SNCG: variants seen among roughly 807,000 people sequenced by gnomAD.
SNCG encodes synuclein gamma, also known as gamma-synuclein.
In SNCG, 13 loss-of-function variants were observed where a neutral mutation model predicts 16.0. That is an observed-to-expected ratio of 0.81 (90% CI 0.53 to 1.29). The LOEUF is 1.29. Among genes scored for constraint, SNCG ranks in the 50% most tolerant of loss-of-function variants. SNCG has a pLI of 0.00. For missense variants in SNCG, 154 were observed against 168.5 expected (o/e 0.91, Z 0.48); for synonymous variants, 66 against 66.3 (o/e 1.00, Z 0.02).
chr10:86,958,551 G>A, upstream of SNCG: 3 of 1,206,398 alleles, frequency 2.5e-6, no homozygotes, highest in Non-Finnish European at 3.2e-6. Flanking sequence ...CTGGGCTCCA[G>A]CTGGCCTCCG....
chr10:86,962,704 TGG>T, intron 4 of SNCG, 29 bp downstream of exon 4: 1 of 1,566,436 alleles, frequency 6.4e-7, no homozygotes. Flanking sequence ...GGGTGCACCA[TGG>T]GGGGTTCCTT....
intron 3 of SNCG, among the ~76,000 whole-genome samples, 192 bp from the exon 4 acceptor site, chr10:86,962,412 C>T (rs1451905896): frequency 6.6e-6 from 1 of 152,082 alleles, no homozygotes; most frequent in Non-Finnish European, 1.5e-5. Context: ...CCTGGAAGGC[C>T]TCGGCATCAT....
In SNCG at chr10:86,958,670, T is replaced by C; in HGVS notation, c.-28T>C. On this transcript the variant is annotated 5_prime_UTR_variant, in exon 1 of 5. Coordinates refer to ENST00000372017, the MANE Select transcript of SNCG (RefSeq NM_003087.3). ...CAGGGAGATCCAGCTCCGTCCTGCC[T>C]GCAGCAGCACAACCCTGCACACCCA... 4 of 1,613,440 alleles carry C rather than the reference T, an allele frequency of 2.5e-6. No homozygotes were observed. The highest frequency in any genetic ancestry group is 1.7e-5 in the Admixed American group (1 of 59,980).
Position 86,959,832 on chromosome 10 carries a change from G to A in SNCG, c.163+158G>A, listed in dbSNP as rs1235324185. On this transcript the variant is annotated intron_variant, in intron 2 of 4. Coordinates refer to ENST00000372017, the MANE Select transcript of SNCG (RefSeq NM_003087.3). The surrounding 1 kb of genome is among the most constrained non-coding windows in gnomAD (Gnocchi z 4.3). ...ACCATGAGGCTAAACTAGGGTGGGC[G>A]TCTCCTTACCCCCACCAGCATCAGA... 1.7e-5 allele frequency: 22 copies of A among 1,288,180 alleles called. No individual in the cohort carries two copies. The highest frequency in any genetic ancestry group is 5.0e-5 in the Admixed American group (2 of 40,062). The allele number at this position is 1,288,180 out of a possible 1,614,324, so 79.8% of individuals were successfully genotyped here. A position where few individuals can be genotyped will look rare whatever the true frequency, so the allele number is the denominator to read the frequency against.
upstream of SNCG, chr10:86,958,499 C>CCAACCAAACCA: frequency 9.0e-7 from 1 of 1,111,546 alleles, no homozygotes; most frequent in Non-Finnish European, 1.1e-6. Flanking sequence ...AACCTCCTTC[C>CCAACCAAACCA]CTCCCTCCCT....
upstream of SNCG, chr10:86,957,556 A>G: frequency 1.9e-6 from 3 of 1,600,508 alleles, no homozygotes; most frequent in Non-Finnish European, 2.6e-6. Flanking sequence ...GTGGTGGGGC[A>G]GGCTCAGCTC....
intron 3 of SNCG, among the ~76,000 whole-genome samples, chr10:86,961,250 G>A (rs901237485): frequency 2.0e-5 from 3 of 152,092 alleles, no homozygotes; most frequent in African/African-American, 4.8e-5. Context: ...GCTGGCAGCC[G>A]CTCCCTCTCC....
intron 4 of SNCG, 116 bp from the exon 5 acceptor site, chr10:86,962,849 C>T (rs1589314894): frequency 1.6e-6 from 2 of 1,272,404 alleles, no homozygotes; most frequent in Non-Finnish European, 2.2e-6. Context: ...TGGGAGGTCC[C>T]CCCACGGATG....
At chr10:86,957,017 G>A (rs1844245353), upstream of SNCG, among the ~76,000 whole-genome samples, 1 of 152,232 alleles carries the variant, frequency 6.6e-6, no homozygotes, top group South Asian at 2.1e-4. Context: ...CTGGGTCTCA[G>A]CTTTCAGAAT....
In SNCG at chr10:86,958,608, T is replaced by C. The variant is rs1589311059; in HGVS notation, c.-90T>C. On this transcript the variant is annotated 5_prime_UTR_variant, in exon 1 of 5. Transcript: ENST00000372017. ...AATAGGAGGCATCGGGGACAGCCGC[T>C]GCGGCAGCACTCGAGCCAGCTCAAG... 1.3e-6 allele frequency: 2 copies of C among 1,507,442 alleles called. No homozygotes were observed. The highest frequency in any genetic ancestry group is 1.8e-6 in the Non-Finnish European group (2 of 1,117,256). 93.4% of individuals were successfully genotyped at this position (1,507,442 alleles called of 1,614,324 possible). A position where few individuals can be genotyped will look rare whatever the true frequency, so the allele number is the denominator to read the frequency against.
chr10:86,962,541 G>A (rs1025695292), intron 3 of SNCG, 63 bp from the exon 4 acceptor site: 2 of 1,240,842 alleles, frequency 1.6e-6, no homozygotes, highest in Non-Finnish European at 2.3e-6. Flanking sequence ...GGCCCTGGTT[G>A]CAGGGCAGCT....
rs1433028738 is a variant in SNCG, at chr10:86,959,625, C to T, written c.122-8C>T. 13 of 1,613,530 alleles carry T rather than the reference C, an allele frequency of 8.1e-6. No individual in the cohort carries two copies. Among genetic ancestry groups the T allele is most frequent in the South Asian group, 2.2e-5 (2 of 91,060 alleles). ...AGGTCTGGGCTGACAGCTCCATTTCCTCCCCAGGAGCCAAGACCAAGGAGA... is the reference window on the plus strand; with the variant it reads ...AGGTCTGGGCTGACAGCTCCATTTCTTCCCCAGGAGCCAAGACCAAGGAGA... On this transcript the variant is annotated splice_region_variant and splice_polypyrimidine_tract_variant and intron_variant, in intron 1 of 4. Coordinates refer to ENST00000372017, the MANE Select transcript of SNCG (RefSeq NM_003087.3). This position sits in a 1 kb window ranked among gnomAD's most constrained non-coding sequence, Gnocchi z 4.3.
upstream of SNCG, chr10:86,958,296 C>T: frequency 2.0e-6 from 2 of 984,610 alleles, no homozygotes; most frequent in Non-Finnish European, 2.4e-6. Flanking sequence ...AGACACAGCA[C>T]CCCTGGGGCC....
At position 86,959,935 on chromosome 10, in the gene SNCG, C is replaced by T. The variant is rs1384574680; in HGVS notation, c.164-66C>T. The T allele has an allele frequency of 1.9e-6, 3 of 1,549,192 alleles. No individual in the cohort carries two copies. The highest frequency in any genetic ancestry group is 2.7e-5 in the African/African-American group (2 of 73,228). ...TGAGCTCCTGGGAAGGGGCTGCGAGCCTGACTCCAGCAGGCCTGCCTTGGG... is the reference window on the plus strand; with the variant it reads ...TGAGCTCCTGGGAAGGGGCTGCGAGTCTGACTCCAGCAGGCCTGCCTTGGG... On this transcript the variant is annotated intron_variant, in intron 2 of 4. Transcript: ENST00000372017. This position sits in a 1 kb window ranked among gnomAD's most constrained non-coding sequence, Gnocchi z 4.3.
intron 4 of SNCG, 107 bp downstream of exon 4, chr10:86,962,782 TC>T: frequency 8.7e-7 from 1 of 1,154,966 alleles, no homozygotes; most frequent in East Asian, 2.5e-5. Flanking sequence ...CAGAGGGGCC[TC>T]CTGACCTTCC....
intron 3 of SNCG, among the ~76,000 whole-genome samples, chr10:86,962,214 C>T (rs1473875006): frequency 6.6e-6 from 1 of 151,912 alleles, no homozygotes; most frequent in African/African-American, 2.4e-5. Context: ...ATGTGAACCC[C>T]AATCAGTCTT....
chr10:86,956,800 G>T (rs1676322339), upstream of SNCG, among the ~76,000 whole-genome samples: 1 of 152,236 alleles, frequency 6.6e-6, no homozygotes, highest in Admixed American at 6.5e-5. Flanking sequence ...CACCTCATCA[G>T]CAGGATGGGC....
chr10:86,957,681 C>T (rs1844259045), upstream of SNCG: 4 of 1,349,482 alleles, frequency 3.0e-6, no homozygotes, highest in Non-Finnish European at 3.0e-6. Context: ...CCTGGGCCGG[C>T]CTACCCGGTG....
intron 3 of SNCG, 100 bp downstream of exon 3, chr10:86,960,228 C>CG: frequency 2.6e-6 from 3 of 1,164,928 alleles, no homozygotes; most frequent in Non-Finnish European, 2.4e-6. Context: ...GGAAACAACA[C>CG]GGGGGGCTGC....
Sources: gnomAD v4.1 joint callset for allele counts (sites outside exome capture counted in the v4.1 genomes callset) on GRCh38, gnomAD v4.1.1 for gene constraint, Gnocchi (gnomAD v3.1) non-coding constraint, MANE v1.5 for transcripts, NCBI Gene and HGNC (gene_info 2026-07-23, HGNC 2026-07-21) for gene names.